SLC14A1: variants seen among roughly 807,000 people sequenced by gnomAD.
The protein encoded by SLC14A1 is solute carrier family 14 member 1 (Kidd blood group).
In SLC14A1, 36 loss-of-function variants were observed where a neutral mutation model predicts 39.6. That is an observed-to-expected ratio of 0.91 (90% CI 0.70 to 1.20). SLC14A1 has a LOEUF of 1.20. Ranked by LOEUF, SLC14A1 falls within the 50% of genes most tolerant of loss-of-function variation. The probability of loss-of-function intolerance (pLI) is 0.00; values close to 1 mark genes in which losing one functional copy is unlikely to be tolerated. For synonymous variants in SLC14A1, 164 were observed against 173.6 expected (o/e 0.94, Z 0.43); for missense variants, 469 against 478.7 (o/e 0.98, Z 0.19).
At chr18:45,743,343 A>G (rs1402749727) in intron 8 of SLC14A1, among the ~76,000 whole-genome samples, 17 of 152,118 alleles carry the variant, frequency 1.1e-4, no homozygotes, top group Non-Finnish European at 1.5e-5. Flanking sequence ...TCTGAGGTTT[A>G]AGATGTAGAC....
At chr18:45,749,362 G>C (rs769021584) in intron 9 of SLC14A1, among the ~76,000 whole-genome samples, 5 of 152,076 alleles carry the variant, frequency 3.3e-5, no homozygotes, top group Non-Finnish European at 7.4e-5. Flanking sequence ...AGCAAGTCAA[G>C]TCTAAGATCT....
intron 8 of SLC14A1, among the ~76,000 whole-genome samples, chr18:45,743,573 T>A (rs2047454212): frequency 6.6e-6 from 1 of 152,228 alleles, no homozygotes; most frequent in Admixed American, 6.5e-5. Flanking sequence ...ATGCCTCAGT[T>A]TCCCCATCTT....
chr18:45,735,887 C>A (rs1180653900), intron 5 of SLC14A1, among the ~76,000 whole-genome samples: 1 of 152,204 alleles, frequency 6.6e-6, no homozygotes, highest in Non-Finnish European at 1.5e-5. Flanking sequence ...AGTTTATGGG[C>A]TCTGAGGCTA....
chr18:45,741,956 T>C (rs971070582), intron 8 of SLC14A1, among the ~76,000 whole-genome samples: 1 of 152,212 alleles, frequency 6.6e-6, no homozygotes, highest in African/African-American at 2.4e-5. Context: ...ACACACATGA[T>C]ACAAAAGACA....
At chr18:45,747,532 C>A (rs1157337802) in intron 8 of SLC14A1, among the ~76,000 whole-genome samples, 4 of 145,818 alleles carry the variant, frequency 2.7e-5, no homozygotes, top group Non-Finnish European at 4.5e-5. Flanking sequence ...ACTAACAATA[C>A]AAAAAAAAAA....
At chr18:45,739,100 G>A (rs2047280680) in intron 6 of SLC14A1, 63 bp from the exon 7 acceptor site, 1 of 1,556,824 alleles carries the variant, frequency 6.4e-7, no homozygotes, top group African/African-American at 1.4e-5. Context: ...GAGTTTGTGG[G>A]TGTCCTGTGG....
chr18:45,724,593 A>T (rs750953366), intron 1 of SLC14A1, among the ~76,000 whole-genome samples: 1 of 152,226 alleles, frequency 6.6e-6, no homozygotes, highest in East Asian at 1.9e-4. Flanking sequence ...AATCAACACT[A>T]TTAGGAGTTT....
chr18:45,731,122 G>T lies in SLC14A1; in HGVS notation c.259G>T (p.Val87Phe). ...SGILILVGLL[V>F]QNPWWALTGW... ...AATCCTGATTCTGGTAGGACTTCTT[G>T]TTCAGAACCCCTGGTGGGCTCTCAC... is the stretch of plus-strand genomic sequence containing the variant. Residue 87 changes from valine to phenylalanine, a missense_variant, in exon 4 of 10, where the codon GTT (valine) becomes TTT (phenylalanine). Transcript: ENST00000321925. 2 of 1,614,160 alleles carry T rather than the reference G, an allele frequency of 1.2e-6. No individual in the cohort carries two copies. Among genetic ancestry groups the T allele is most frequent in the Non-Finnish European group, 1.7e-6 (2 of 1,180,012 alleles).
intron 6 of SLC14A1, among the ~76,000 whole-genome samples, chr18:45,737,045 G>A (rs1413579335): frequency 2.6e-5 from 4 of 152,182 alleles, no homozygotes; most frequent in Non-Finnish European, 5.9e-5. Flanking sequence ...TACTCTTAGA[G>A]CTTCTGACAG....
intron 8 of SLC14A1, among the ~76,000 whole-genome samples, chr18:45,744,825 T>C (rs1260795812): frequency 6.6e-6 from 1 of 152,230 alleles, no homozygotes; most frequent in Non-Finnish European, 1.5e-5. Flanking sequence ...CTTGACTTTT[T>C]CTTAATATTT....
chr18:45,748,462 T>C (rs1165254727), intron 9 of SLC14A1, 37 bp downstream of exon 9: 9 of 1,606,390 alleles, frequency 5.6e-6, no homozygotes, highest in Admixed American at 1.7e-5. Flanking sequence ...ATTAGCGTAA[T>C]TGACCAGCTT....
chr18:45,744,018 C>CTTT (rs11433934), intron 8 of SLC14A1, among the ~76,000 whole-genome samples: 5 of 147,166 alleles, frequency 3.4e-5, no homozygotes, highest in African/African-American at 2.5e-5. Flanking sequence ...ACCTTCTGTA[C>CTTT]TTTTTTTTTT....
intron 8 of SLC14A1, chr18:45,739,959 T>G (rs2047313995): frequency 2.3e-6 from 1 of 428,340 alleles, no homozygotes; most frequent in Admixed American, 3.5e-5. Flanking sequence ...TTCAGCTTTA[T>G]CCCCAGAGAT....
intron 2 of SLC14A1, chr18:45,726,976 A>C: frequency 3.4e-6 from 1 of 290,398 alleles, no homozygotes; most frequent in Non-Finnish European, 6.7e-6. Context: ...AAATCTGGGC[A>C]TTGGTCCCTG....
At chr18:45,741,290 G>C (rs1324715528) in intron 8 of SLC14A1, among the ~76,000 whole-genome samples, 1 of 152,182 alleles carries the variant, frequency 6.6e-6, no homozygotes, top group African/African-American at 2.4e-5. Context: ...CAAAGTATAA[G>C]CATTTAAGAT....
chr18:45,740,188 C>T (rs1032489851), intron 8 of SLC14A1, among the ~76,000 whole-genome samples: 2 of 152,190 alleles, frequency 1.3e-5, no homozygotes, highest in Non-Finnish European at 2.9e-5. Flanking sequence ...ACTTGTCTTG[C>T]GTTCTTCAAA....
At chr18:45,732,248 A>G (rs1402898462) in intron 4 of SLC14A1, among the ~76,000 whole-genome samples, 2 of 152,258 alleles carry the variant, frequency 1.3e-5, no homozygotes, top group Non-Finnish European at 2.9e-5. Flanking sequence ...AAAAGACTGC[A>G]TTAAAATGGA....
Position 45,751,522 on chromosome 18 carries a change from A to G in SLC14A1, c.*1571A>G. 1.0e-6 allele frequency: 1 copy of G among 985,092 alleles called. No homozygotes were observed. The allele number at this position is 985,092 out of a possible 1,614,324, so 61.0% of individuals were successfully genotyped here. A position where few individuals can be genotyped will look rare whatever the true frequency, so the allele number is the denominator to read the frequency against. ...CGTTCAGGGACTGGCTCACACCTGT[A>G]ATCCCAGCACTTTGGGAGATGGAGG... On this transcript the variant is annotated 3_prime_UTR_variant, in exon 10 of 10. Coordinates refer to ENST00000321925, the MANE Select transcript of SLC14A1 (RefSeq NM_015865.7).
chr18:45,747,643 A>C (rs1201485987), intron 8 of SLC14A1, among the ~76,000 whole-genome samples: 6 of 152,154 alleles, frequency 3.9e-5, no homozygotes, highest in Non-Finnish European at 7.4e-5. Flanking sequence ...TGCAGTGAGC[A>C]GAGATCACGC....
Sources: gnomAD v4.1 joint callset for allele counts (sites outside exome capture counted in the v4.1 genomes callset) on GRCh38, gnomAD v4.1.1 for gene constraint, MANE v1.5 for transcripts, NCBI Gene and HGNC (gene_info 2026-07-23, HGNC 2026-07-21) for gene names.